The following DHRSX variants were observed in gnomAD, a reference collection of about 807,000 sequenced individuals.
DHRSX encodes the protein polyprenol dehydrogenase.
A neutral mutation model predicts 34.0 loss-of-function variants in DHRSX; 31 were observed. The observed-to-expected ratio is 0.91, with a 90% CI of 0.69 to 1.23. The LOEUF (loss-of-function observed/expected upper bound fraction) is 1.23. Ranked by LOEUF, DHRSX falls within the 50% of genes most tolerant of loss-of-function variation. The pLI is 0.00. For missense variants in DHRSX, 414 were observed against 428.1 expected, an observed-to-expected ratio of 0.97 and a Z score of 0.29; for synonymous variants, 201 against 183.8, an observed-to-expected ratio of 1.09 and a Z score of -0.76.
intron 4 of DHRSX, among the ~76,000 whole-genome samples, chrX:2,291,255 A>T (rs956896250): frequency 2.6e-5 from 4 of 152,194 alleles, no homozygotes; most frequent in African/African-American, 9.6e-5. Context: ...GTCCAAGTGG[A>T]CAAGTCAACG....
chrX:2,223,537 C>T (rs955097649), intron 6 of DHRSX, among the ~76,000 whole-genome samples: 1 of 151,972 alleles, frequency 6.6e-6, no homozygotes, highest in African/African-American at 2.4e-5. Context: ...AGCCCTGTGT[C>T]CCGTGTCTTG....
intron 1 of DHRSX, among the ~76,000 whole-genome samples, chrX:2,498,239 GAA>G (rs1383946010): frequency 6.6e-6 from 1 of 152,132 alleles, no homozygotes; most frequent in Non-Finnish European, 1.5e-5. Flanking sequence ...GAAGTTCTAA[GAA>G]AAAACTGCCC....
chrX:2,436,684 A>G (rs28409392), intron 1 of DHRSX, among the ~76,000 whole-genome samples: 11,879 of 151,010 alleles, frequency 0.079, 1,141 homozygotes, highest in African/African-American at 0.23. Flanking sequence ...TTTTGTAGAG[A>G]CAGGGTCTTG....
At chrX:2,488,446 A>C in intron 1 of DHRSX, 3 of 737,292 alleles carry the variant, frequency 4.1e-6, no homozygotes, top group Non-Finnish European at 6.3e-6. Context: ...AAGTGCTGCG[A>C]TTATAGACAG....
At chrX:2,323,494 G>A (rs73630203) in intron 3 of DHRSX, among the ~76,000 whole-genome samples, 4,506 of 152,182 alleles carry the variant, frequency 0.03, 93 homozygotes, top group South Asian at 0.063. Context: ...CAGACACGGT[G>A]GTACACGCCT....
chrX:2,301,152 G>A (rs1465213026), intron 3 of DHRSX, among the ~76,000 whole-genome samples: 22 of 152,360 alleles, frequency 1.4e-4, no homozygotes, highest in African/African-American at 1.9e-4. Flanking sequence ...AGTGGCTTAC[G>A]CCTGTAATCC....
At chrX:2,418,461 A>G (rs753349388) in intron 2 of DHRSX, among the ~76,000 whole-genome samples, 1 of 152,344 alleles carries the variant, frequency 6.6e-6, no homozygotes, top group South Asian at 2.1e-4. Flanking sequence ...CACCACAATG[A>G]GGCAAAAAAG....
chrX:2,284,250 A>G (rs1169015962), intron 4 of DHRSX, among the ~76,000 whole-genome samples: 1 of 152,138 alleles, frequency 6.6e-6, no homozygotes, highest in Non-Finnish European at 1.5e-5. Context: ...ATTCATTAGA[A>G]TTCATTCATT....
At chrX:2,224,773 CTCAT>C (rs1264732983) in intron 6 of DHRSX, among the ~76,000 whole-genome samples, 2 of 152,008 alleles carry the variant, frequency 1.3e-5, no homozygotes, top group Non-Finnish European at 2.9e-5. Flanking sequence ...CATACTCACA[CTCAT>C]TCACATGCAC....
intron 5 of DHRSX, among the ~76,000 whole-genome samples, chrX:2,254,660 T>A (rs1427030731): frequency 6.6e-6 from 1 of 152,154 alleles, no homozygotes; most frequent in Admixed American, 6.6e-5. Context: ...GTTTGTTTGT[T>A]TTTTTGAAAC....
At chrX:2,493,115 G>A (rs2045198296) in intron 1 of DHRSX, among the ~76,000 whole-genome samples, 1 of 152,200 alleles carries the variant, frequency 6.6e-6, no homozygotes, top group African/African-American at 2.4e-5. Context: ...GCCAATGCCA[G>A]CACCCTGGTT....
At chrX:2,230,727 A>G (rs910275069) in intron 6 of DHRSX, among the ~76,000 whole-genome samples, 1 of 152,164 alleles carries the variant, frequency 6.6e-6, no homozygotes, top group African/African-American at 2.4e-5. Flanking sequence ...TGACAGGGCA[A>G]TCCTGCCTGA....
chrX:2,237,123 T>C (rs1484650192), intron 6 of DHRSX, among the ~76,000 whole-genome samples: 1 of 151,592 alleles, frequency 6.6e-6, no homozygotes, highest in East Asian at 1.9e-4. Context: ...GAGGCGGAGG[T>C]TGCAGTGAGC....
chrX:2,390,944 T>C (rs1156749903), intron 3 of DHRSX, among the ~76,000 whole-genome samples: 2 of 152,202 alleles, frequency 1.3e-5, no homozygotes, highest in African/African-American at 4.8e-5. Flanking sequence ...TTAGCATTAA[T>C]GTCCTCAAGG....
chrX:2,333,783 CCTTT>C (rs1259467923), intron 3 of DHRSX, among the ~76,000 whole-genome samples: 3 of 152,100 alleles, frequency 2.0e-5, no homozygotes, highest in East Asian at 3.9e-4. Context: ...GTCTGTTGTT[CCTTT>C]CTTTGAGGCC....
chrX:2,412,582 T>A (rs759615973), intron 2 of DHRSX, among the ~76,000 whole-genome samples: 2 of 152,094 alleles, frequency 1.3e-5, no homozygotes, highest in African/African-American at 4.8e-5. Context: ...CTCACTCCTC[T>A]GTATAGATCC....
At position 2,499,495 on chromosome X, in the gene DHRSX, C is replaced by G. The variant is rs754050745; in HGVS notation, c.109+1322G>C. Among the ~76,000 whole-genome samples the G allele has an allele frequency of 1.5e-4, 23 of 152,310 alleles. No homozygotes were observed. The East Asian group carries it at 4.2e-3, about 28-fold the overall frequency. On this transcript the variant is annotated intron_variant, in intron 1 of 6. Coordinates refer to ENST00000334651, the MANE Select transcript of DHRSX (RefSeq NM_145177.3). ...GTTTAAATTGAGAATATGGGCTGGG[C>G]ACAGTGGCGCTCTGTCTGTAATCCC...
chrX:2,319,475 G>A (rs1291731177), intron 3 of DHRSX, among the ~76,000 whole-genome samples: 8 of 150,226 alleles, frequency 5.3e-5, no homozygotes, highest in Non-Finnish European at 8.9e-5. Flanking sequence ...CCCAGGAGAC[G>A]GAGGTTGCAG....
intron 3 of DHRSX, among the ~76,000 whole-genome samples, chrX:2,356,066 C>CAAAA (rs33996876): frequency 7.7e-4 from 86 of 112,028 alleles, no homozygotes; most frequent in African/African-American, 2.7e-3. Context: ...GACTCCGTCT[C>CAAAA]AAAAAAAAAA....
Sources: allele counts gnomAD v4.1 joint callset (sites outside exome capture counted in the v4.1 genomes callset), GRCh38; gene constraint gnomAD v4.1.1; transcripts MANE v1.5; gene names NCBI Gene and HGNC (gene_info 2026-07-23, HGNC 2026-07-21).